The following PDCD1LG2 variants were observed in gnomAD, a reference collection of about 807,000 sequenced individuals.
PDCD1LG2 encodes the protein B7 dendritic cell molecule.
PDCD1LG2 carries 32 observed loss-of-function variants against 28.2 expected under a neutral mutation model. The ratio of observed to expected loss-of-function variants is 1.13; its 90% CI spans 0.86 to 1.52. The LOEUF (loss-of-function observed/expected upper bound fraction) is 1.52. Among genes scored for constraint, PDCD1LG2 ranks in the 40% most tolerant of loss-of-function variants. PDCD1LG2 has a pLI of 0.00. For missense variants in PDCD1LG2, 385 were observed against 323.8 expected (o/e 1.19, Z -1.45); for synonymous variants, 116 against 120.2 (o/e 0.97, Z 0.23).
intron 4 of PDCD1LG2, among the ~76,000 whole-genome samples, chr9:5,555,294 G>A (rs1816415740): frequency 6.6e-6 from 1 of 152,144 alleles, no homozygotes. Context: ...GCAGGTGCCT[G>A]TAATCCCAGC....
intron 5 of PDCD1LG2, among the ~76,000 whole-genome samples, chr9:5,562,504 G>A (rs1816584088): frequency 6.6e-6 from 1 of 152,122 alleles, no homozygotes; most frequent in African/African-American, 2.4e-5. Flanking sequence ...AGTAGGGAGT[G>A]GCAGTGAGGA....
chr9:5,549,712 G>T, intron 4 of PDCD1LG2, 108 bp downstream of exon 4: 1 of 1,344,308 alleles, frequency 7.4e-7, no homozygotes, highest in South Asian at 1.4e-5. Context: ...TGTTTACAAA[G>T]GTGTGATCAC....
intron 6 of PDCD1LG2, among the ~76,000 whole-genome samples, chr9:5,565,086 A>G (rs563243190): frequency 3.0e-4 from 45 of 152,362 alleles, no homozygotes; most frequent in African/African-American, 1.0e-3. Context: ...CCCAAGGTAT[A>G]TAGCTAATAA....
At chr9:5,551,635 C>T (rs1164464795) in intron 4 of PDCD1LG2, among the ~76,000 whole-genome samples, 2 of 152,102 alleles carry the variant, frequency 1.3e-5, no homozygotes, top group African/African-American at 4.8e-5. Context: ...GTGAGCTTTC[C>T]CCAGTATCCG....
chr9:5,543,490 G>C (rs1031350162), intron 3 of PDCD1LG2, among the ~76,000 whole-genome samples: 1 of 150,036 alleles, frequency 6.7e-6, no homozygotes, highest in East Asian at 2.0e-4. Context: ...AATGAGCAGA[G>C]GTCGCACCAC....
chr9:5,565,164 A>T (rs1221353479), intron 6 of PDCD1LG2, among the ~76,000 whole-genome samples: 1 of 151,796 alleles, frequency 6.6e-6, no homozygotes. Flanking sequence ...CATACACTAC[A>T]CTCTGCTTTT....
intron 6 of PDCD1LG2, among the ~76,000 whole-genome samples, chr9:5,565,859 CGTA>C (rs2129958471): frequency 6.6e-6 from 1 of 151,374 alleles, no homozygotes; most frequent in African/African-American, 2.4e-5. Flanking sequence ...AAAAGAATAA[CGTA>C]CAACAATAAC....
intron 3 of PDCD1LG2, among the ~76,000 whole-genome samples, chr9:5,540,804 A>G (rs1820672897): frequency 6.6e-6 from 1 of 152,172 alleles, no homozygotes; most frequent in African/African-American, 2.4e-5. Context: ...ATTGGTACCA[A>G]TTCTATTGAC....
chr9:5,530,591 T>C (rs935550157), intron 2 of PDCD1LG2, among the ~76,000 whole-genome samples: 1 of 152,180 alleles, frequency 6.6e-6, no homozygotes, highest in African/African-American at 2.4e-5. Context: ...CAGAGATGAA[T>C]TTGAATTCCG....
At chr9:5,561,088 A>C (rs1816551783) in intron 5 of PDCD1LG2, among the ~76,000 whole-genome samples, 1 of 152,164 alleles carries the variant, frequency 6.6e-6, no homozygotes, top group African/African-American at 2.4e-5. Flanking sequence ...TGTTCAATGA[A>C]ATTTTAAACA....
chr9:5,515,341 G>C (rs1820136795), intron 1 of PDCD1LG2, among the ~76,000 whole-genome samples: 1 of 152,176 alleles, frequency 6.6e-6, no homozygotes, highest in African/African-American at 2.4e-5. Context: ...GTCTCCTGGA[G>C]AAAAGTCAGC....
At chr9:5,541,515 T>A (rs1222214211) in intron 3 of PDCD1LG2, among the ~76,000 whole-genome samples, 1 of 152,164 alleles carries the variant, frequency 6.6e-6, no homozygotes, top group Non-Finnish European at 1.5e-5. Flanking sequence ...AGTTTCAGGA[T>A]ACAAAATTAA....
At chr9:5,547,688 G>A (rs577361375) in intron 3 of PDCD1LG2, among the ~76,000 whole-genome samples, 69 of 152,200 alleles carry the variant, frequency 4.5e-4, no homozygotes, top group African/African-American at 1.6e-3. Flanking sequence ...TGTAATCCCA[G>A]CACTTTGGGA....
chr9:5,538,056 AG>A (rs1283514264), intron 3 of PDCD1LG2, among the ~76,000 whole-genome samples: 6 of 152,222 alleles, frequency 3.9e-5, no homozygotes, highest in Non-Finnish European at 8.8e-5. Context: ...TCTGTAGGGA[AG>A]GTGAAATTGG....
rs186223616 is a variant in PDCD1LG2 at position 5,531,858 on chromosome 9, A to C, written c.56-2887A>C. On this transcript the variant is annotated intron_variant, in intron 2 of 6. Transcript: ENST00000397747. ...TAATTAAACAAGAGAAGTATTATAG[A>C]AGAGTAAAAGTAGTAGGTAATTCTT... Among the ~76,000 whole-genome samples the C allele has an allele frequency of 4.6e-5, 7 of 152,310 alleles. No individual in the cohort carries two copies. In the East Asian group the frequency reaches 1.2e-3, roughly 25 times the overall value.
Position 5,557,751 on chromosome 9 carries a change from A to C in PDCD1LG2, c.765A>C (p.Lys255Asn), listed in dbSNP as rs909725263. The change falls in exon 5 of 7, where the codon AAA becomes AAC. Residue 255 changes from lysine to asparagine, a missense_variant and splice_region_variant. Coordinates refer to ENST00000397747, the MANE Select transcript of PDCD1LG2 (RefSeq NM_025239.4). ...TCTGTCAAAAGCTGTATTCTTCAAAAGGTAAGTGAGTTTTATTCATGGTAA... is the reference window on the plus strand; with the variant it reads ...TCTGTCAAAAGCTGTATTCTTCAAACGGTAAGTGAGTTTTATTCATGGTAA... ...KQLCQKLYSS[K>N]DTTKRPVTTT... 7 of 1,613,948 alleles carry C rather than the reference A, an allele frequency of 4.3e-6. No homozygotes were observed. The highest frequency in any genetic ancestry group is 5.9e-6 in the Non-Finnish European group (7 of 1,179,822).
intron 1 of PDCD1LG2, among the ~76,000 whole-genome samples, chr9:5,512,118 T>C (rs951763985): frequency 6.6e-6 from 1 of 152,240 alleles, no homozygotes; most frequent in Non-Finnish European, 1.5e-5. Flanking sequence ...TACAATACAT[T>C]GGACAGCAAC....
At chr9:5,541,674 C>T (rs962037104) in intron 3 of PDCD1LG2, among the ~76,000 whole-genome samples, 19 of 152,076 alleles carry the variant, frequency 1.2e-4, no homozygotes, top group African/African-American at 4.6e-4. Flanking sequence ...TCACAGATGA[C>T]ACAAACAAAT....
chr9:5,524,354 G>A (rs896678420), intron 2 of PDCD1LG2, among the ~76,000 whole-genome samples: 3 of 152,168 alleles, frequency 2.0e-5, no homozygotes, highest in East Asian at 1.9e-4. Context: ...ATATGGATAC[G>A]TATTGAATGT....
Sources: allele counts gnomAD v4.1 joint callset (sites outside exome capture counted in the v4.1 genomes callset), GRCh38; gene constraint gnomAD v4.1.1; transcripts MANE v1.5; gene names NCBI Gene and HGNC (gene_info 2026-07-23, HGNC 2026-07-21).